The following OSBPL10 variants were observed in gnomAD, a reference collection of about 807,000 sequenced individuals.
OSBPL10 encodes oxysterol-binding protein-related protein 10.
A neutral mutation model predicts 81.7 loss-of-function variants in OSBPL10; 49 were observed. That is an observed-to-expected ratio of 0.60 (90% CI 0.48 to 0.76). The LOEUF (loss-of-function observed/expected upper bound fraction) is 0.76, where lower values mean the gene tolerates loss of function less well. Among genes scored for constraint, OSBPL10 ranks in the 30% least tolerant of loss-of-function variants. The pLI is 0.00. For missense variants in OSBPL10, 923 were observed against 987.8 expected, an observed-to-expected ratio of 0.93 and a Z score of 0.88; for synonymous variants, 419 against 383.6, an observed-to-expected ratio of 1.09 and a Z score of -1.08.
intron 9 of OSBPL10, among the ~76,000 whole-genome samples, chr3:31,669,481 G>A (rs1176301846): frequency 6.6e-6 from 1 of 152,130 alleles, no homozygotes; most frequent in Non-Finnish European, 1.5e-5. Context: ...TGTTGGAAAA[G>A]GAGGGAAACA....
At chr3:32,033,590 T>C (rs1699491094) in intron 2 of OSBPL10, among the ~76,000 whole-genome samples, 2 of 152,188 alleles carry the variant, frequency 1.3e-5, no homozygotes, top group South Asian at 2.1e-4. Context: ...CCCTAGACTG[T>C]GTAAAAAAGA....
intron 1 of OSBPL10, among the ~76,000 whole-genome samples, chr3:31,892,712 A>AGAGGGAGAGGGC (rs1237279243): frequency 5.3e-5 from 8 of 152,020 alleles, no homozygotes; most frequent in Non-Finnish European, 1.0e-4. Context: ...TGCCTGAGGG[A>AGAGGGAGAGGGC]GAGGGAGAGG....
chr3:32,023,009 CA>C (rs1303776189), intron 2 of OSBPL10, among the ~76,000 whole-genome samples: 5 of 152,108 alleles, frequency 3.3e-5, no homozygotes, highest in Non-Finnish European at 7.4e-5. Context: ...AAAAACAACT[CA>C]GGTACATATG....
chr3:31,854,140 GTTTTT>G (rs34484240), intron 3 of OSBPL10, among the ~76,000 whole-genome samples: 1 of 146,400 alleles, frequency 6.8e-6, no homozygotes, highest in East Asian at 2.0e-4. Flanking sequence ...TCTCAGTAAA[GTTTTT>G]TTTTTTTTTT....
intron 8 of OSBPL10, among the ~76,000 whole-genome samples, chr3:31,680,743 T>C (rs1700620129): frequency 6.6e-6 from 1 of 152,158 alleles, no homozygotes. Flanking sequence ...GAGCCTGGGA[T>C]TCTCTACAGC....
chr3:31,830,062 C>G lies in OSBPL10; in HGVS notation c.707G>C (p.Gly236Ala). ...AARRAKSQYSGQLHEVREMMN... is the reference protein window; with the variant it reads ...AARRAKSQYSAQLHEVREMMN... ...TACCTCTCTGACTTCGTGAAGCTGGCCGGAATACTGACTCTTGGCTCTTCG... is the reference window on the plus strand; with the variant it reads ...TACCTCTCTGACTTCGTGAAGCTGGGCGGAATACTGACTCTTGGCTCTTCG... The change falls in exon 4 of 12, where the codon GGC becomes GCC. Residue 236 changes from glycine to alanine, a missense_variant. By Grantham distance (60) the Gly-to-Ala change is moderately conservative (BLOSUM62 0). Around this residue, in one of 3 missense-constraint regions of OSBPL10, gnomAD observed 514 missense variants for 508.0 expected, o/e 1.01. Transcript: ENST00000396556. 10 of 1,613,326 alleles carry G rather than the reference C, an allele frequency of 6.2e-6. No homozygotes were observed. Among genetic ancestry groups the G allele is most frequent in the Non-Finnish European group, 8.5e-6 (10 of 1,179,860 alleles).
intron 1 of OSBPL10, among the ~76,000 whole-genome samples, chr3:31,938,863 C>T (rs1222063917): frequency 1.3e-5 from 2 of 152,308 alleles, no homozygotes; most frequent in African/African-American, 4.8e-5. Flanking sequence ...CCTCTAACTC[C>T]ACTCTCAGAC....
At chr3:31,972,455 G>A (rs1031166584) in intron 1 of OSBPL10, among the ~76,000 whole-genome samples, 2 of 152,190 alleles carry the variant, frequency 1.3e-5, no homozygotes, top group Admixed American at 1.3e-4. Flanking sequence ...GCCCAGATCA[G>A]CTGCAGCGGT....
rs753460657 is a variant in OSBPL10, at chr3:31,989,095, G to A, written n.298+57396C>T. The A allele has an allele frequency of 4.3e-6, 7 of 1,614,082 alleles. No homozygotes were observed. The Admixed American group carries it at 1.0e-4, about 23-fold the overall frequency. ...CTAAAGACTCATGTTACGTGAGGAA[G>A]CAGCTCAGAAGAGGAAAGAAAAGGA... On this transcript the variant is annotated intron_variant and non_coding_transcript_variant, in intron 2 of 3. Coordinates refer to the OSBPL10 transcript ENST00000479173.
chr3:31,691,684 T>C (rs1048699626), intron 7 of OSBPL10, among the ~76,000 whole-genome samples: 13 of 151,996 alleles, frequency 8.6e-5, no homozygotes, highest in African/African-American at 2.9e-4. Context: ...GGAGCTATGA[T>C]TGCACCACTG....
intron 6 of OSBPL10, chr3:31,707,158 C>A (rs748497669): frequency 6.6e-6 from 1 of 152,200 alleles, no homozygotes; most frequent in East Asian, 1.9e-4. Context: ...GTTCCATTAC[C>A]TAACCATTAA....
At chr3:32,026,057 T>TAGATAATAGATAGATAGATAGATGATA (rs58717718) in intron 2 of OSBPL10, among the ~76,000 whole-genome samples, 2 of 111,232 alleles carry the variant, frequency 1.8e-5, no homozygotes, top group African/African-American at 6.9e-5. Context: ...GATAGATAGA[T>TAGATAATAGATAGATAGATAGATGATA]GATAGATAGA....
intron 1 of OSBPL10, among the ~76,000 whole-genome samples, chr3:31,951,319 A>G (rs978976661): frequency 8.5e-5 from 13 of 152,226 alleles, no homozygotes; most frequent in African/African-American, 3.1e-4. Flanking sequence ...TTTTAAAAAT[A>G]TAAAACTGAG....
At chr3:32,002,598 A>G (rs1699161838) in intron 2 of OSBPL10, among the ~76,000 whole-genome samples, 1 of 152,156 alleles carries the variant, frequency 6.6e-6, no homozygotes, top group Admixed American at 6.5e-5. Flanking sequence ...GGTTTGAATC[A>G]AGGCTTCTTC....
At chr3:31,737,527 A>G (rs1280934492) in intron 5 of OSBPL10, among the ~76,000 whole-genome samples, 1 of 152,198 alleles carries the variant, frequency 6.6e-6, no homozygotes, top group Non-Finnish European at 1.5e-5. Context: ...GGATGCATCA[A>G]GGAATTATTA....
chr3:31,883,203 GAC>G (rs895107982), intron 1 of OSBPL10, among the ~76,000 whole-genome samples: 2 of 151,460 alleles, frequency 1.3e-5, no homozygotes, highest in African/African-American at 4.9e-5. Context: ...CACACCTGCA[GAC>G]ACAGCACTGC....
At chr3:31,728,418 G>C (rs1193320978) in intron 6 of OSBPL10, among the ~76,000 whole-genome samples, 2 of 152,324 alleles carry the variant, frequency 1.3e-5, no homozygotes, top group Middle Eastern at 3.4e-3. Context: ...TCTGGCACCA[G>C]ATATTTACCC....
intron 3 of OSBPL10, among the ~76,000 whole-genome samples, chr3:31,875,650 C>T (rs1488336775): frequency 6.6e-6 from 1 of 151,640 alleles, no homozygotes; most frequent in African/African-American, 2.4e-5. Context: ...TTTCACATGG[C>T]CCTGACCCAG....
chr3:31,731,075 G>C (rs1348202317), intron 6 of OSBPL10, among the ~76,000 whole-genome samples: 4 of 151,978 alleles, frequency 2.6e-5, no homozygotes, highest in Non-Finnish European at 5.9e-5. Flanking sequence ...TTTTCTGACA[G>C]AAAAACTATT....
Sources: allele counts gnomAD v4.1 joint callset (sites outside exome capture counted in the v4.1 genomes callset), GRCh38; gene constraint gnomAD v4.1.1; regional missense constraint gnomAD v4.1.1; transcripts MANE v1.5; gene names NCBI Gene and HGNC (gene_info 2026-07-23, HGNC 2026-07-21).